GMDS: variants seen among roughly 807,000 people sequenced by gnomAD.
The protein encoded by GMDS is GDP-mannose 4,6 dehydratase.
A neutral mutation model predicts 49.9 loss-of-function variants in GMDS; 20 were observed. That is an observed-to-expected ratio of 0.40 (90% CI 0.28 to 0.58). The LOEUF (loss-of-function observed/expected upper bound fraction) is 0.58, where lower values mean the gene tolerates loss of function less well. Among genes scored for constraint, GMDS ranks in the 20% least tolerant of loss-of-function variants. GMDS has a pLI of 0.42. For missense variants in GMDS, 362 were observed against 481.4 expected (o/e 0.75, Z 2.32); for synonymous variants, 177 against 178.6 (o/e 0.99, Z 0.07).
At chr6:1,912,239 G>A (rs1461953955) in intron 7 of GMDS, among the ~76,000 whole-genome samples, 3 of 152,012 alleles carry the variant, frequency 2.0e-5, no homozygotes, top group Admixed American at 6.6e-5. Context: ...GGTGGCGGGC[G>A]CCTGTAATCC....
intron 1 of GMDS, among the ~76,000 whole-genome samples, chr6:2,229,339 A>C (rs1428697161): frequency 6.6e-6 from 1 of 151,576 alleles, no homozygotes; most frequent in African/African-American, 2.4e-5. Flanking sequence ...TGGGAGGCCA[A>C]GATAGGAGAA....
At chr6:1,962,493 C>T (rs944660703) in intron 4 of GMDS, among the ~76,000 whole-genome samples, 5 of 152,168 alleles carry the variant, frequency 3.3e-5, no homozygotes, top group African/African-American at 7.2e-5. Context: ...AAAATGCCTG[C>T]GTCATTTCAC....
At chr6:2,208,805 T>C (rs977995630) in intron 1 of GMDS, among the ~76,000 whole-genome samples, 1 of 150,470 alleles carries the variant, frequency 6.6e-6, no homozygotes, top group Non-Finnish European at 1.5e-5. Context: ...CACATTTTGC[T>C]AAACGATTAT....
chr6:1,905,588 T>C (rs1760722699), intron 7 of GMDS, among the ~76,000 whole-genome samples: 1 of 133,778 alleles, frequency 7.5e-6, no homozygotes. Context: ...CACATAGCTG[T>C]GGGTGTTGGT....
chr6:1,854,356 G>A (rs1410366054), intron 7 of GMDS, among the ~76,000 whole-genome samples: 1 of 152,166 alleles, frequency 6.6e-6, no homozygotes, highest in Non-Finnish European at 1.5e-5. Context: ...TCAGACTTCA[G>A]AACTCAGATT....
chr6:1,648,834 C>T (rs567724422), intron 9 of GMDS, among the ~76,000 whole-genome samples: 3 of 152,162 alleles, frequency 2.0e-5, no homozygotes, highest in Non-Finnish European at 4.4e-5. Context: ...TGTTTGATTT[C>T]TCCACTAGCT....
intron 1 of GMDS, among the ~76,000 whole-genome samples, chr6:2,158,743 G>A (rs1011100869): frequency 6.6e-6 from 1 of 152,160 alleles, no homozygotes; most frequent in African/African-American, 2.4e-5. Flanking sequence ...GCTTCTTACC[G>A]CCCCCTAGCG....
chr6:1,687,891 G>T (rs184467995), intron 9 of GMDS, among the ~76,000 whole-genome samples: 1 of 152,262 alleles, frequency 6.6e-6, no homozygotes, highest in East Asian at 1.9e-4. Flanking sequence ...GCAGGTCATG[G>T]AGAACACTGT....
At chr6:2,092,802 A>T (rs560315475) in intron 4 of GMDS, among the ~76,000 whole-genome samples, 1 of 152,330 alleles carries the variant, frequency 6.6e-6, no homozygotes, top group East Asian at 1.9e-4. Context: ...AAAAACAAAA[A>T]ATTCATGCAA....
intron 4 of GMDS, among the ~76,000 whole-genome samples, chr6:2,061,513 T>G (rs1485451344): frequency 1.3e-5 from 2 of 151,954 alleles, no homozygotes; most frequent in African/African-American, 4.8e-5. Flanking sequence ...GGCCAGGACT[T>G]GGAGACCAAC....
At chr6:1,874,908 G>A (rs1164317310) in intron 7 of GMDS, among the ~76,000 whole-genome samples, 2 of 152,104 alleles carry the variant, frequency 1.3e-5, no homozygotes, top group Non-Finnish European at 2.9e-5. Flanking sequence ...TTCAAAATGC[G>A]AGAAGAAAAA....
intron 7 of GMDS, among the ~76,000 whole-genome samples, chr6:1,803,912 G>C (rs1770056527): frequency 6.6e-6 from 1 of 152,202 alleles, no homozygotes; most frequent in East Asian, 1.9e-4. Flanking sequence ...CAACTGAAGG[G>C]GTGAATAAGG....
intron 1 of GMDS, chr6:2,175,872 C>T: frequency 3.5e-6 from 3 of 856,204 alleles, no homozygotes; most frequent in East Asian, 2.6e-5. Context: ...CATAAACAGC[C>T]CTATCAGGCT....
chr6:1,649,516 C>T (rs529457076), intron 9 of GMDS, among the ~76,000 whole-genome samples: 11 of 152,322 alleles, frequency 7.2e-5, no homozygotes, highest in Admixed American at 3.3e-4. Flanking sequence ...GCTCATAATA[C>T]GCCATTAAAG....
At chr6:2,126,967 G>A (rs1307905018) in intron 1 of GMDS, among the ~76,000 whole-genome samples, 1 of 152,114 alleles carries the variant, frequency 6.6e-6, no homozygotes, top group Non-Finnish European at 1.5e-5. Context: ...GACTTCTTGA[G>A]GTAAATATTC....
chr6:1,892,848 C>G (rs1759939828), intron 7 of GMDS, among the ~76,000 whole-genome samples: 1 of 152,222 alleles, frequency 6.6e-6, no homozygotes, highest in South Asian at 2.1e-4. Context: ...GACACGCATT[C>G]TGACTTGCAG....
chr6:2,146,150 A>G (rs188484118), intron 1 of GMDS, among the ~76,000 whole-genome samples: 11 of 152,352 alleles, frequency 7.2e-5, no homozygotes, highest in South Asian at 4.1e-4. Context: ...TAAACTACCA[A>G]AATCAATTAT....
intron 1 of GMDS, among the ~76,000 whole-genome samples, chr6:2,139,781 G>A (rs1011583409): frequency 6.6e-6 from 1 of 152,166 alleles, no homozygotes; most frequent in East Asian, 1.9e-4. Context: ...AGGGTTTCAT[G>A]AGAGATGAGG....
In GMDS at chr6:1,918,856, G is replaced by A. The variant is rs886721309; in HGVS notation, c.771+11247C>T. ...GGCCACTGTGTGAGAACATATAGAC[G>A]TTACTTCCTTTCATTTATGATCTGC... On this transcript the variant is annotated intron_variant, in intron 7 of 10. Coordinates refer to ENST00000380815, the MANE Select transcript of GMDS (RefSeq NM_001500.4). Among the ~76,000 whole-genome samples, 18 of 149,982 alleles carry A rather than the reference G, an allele frequency of 1.2e-4. No individual in the cohort carries two copies. The East Asian group carries it at 1.4e-3, about 12-fold the overall frequency.
Sources: gnomAD v4.1 joint callset for allele counts (sites outside exome capture counted in the v4.1 genomes callset) on GRCh38, gnomAD v4.1.1 for gene constraint, MANE v1.5 for transcripts, NCBI Gene and HGNC (gene_info 2026-07-23, HGNC 2026-07-21) for gene names.